Variants in MAGI1 observed in about 807,000 individuals in gnomAD.
The protein encoded by MAGI1 is membrane associated guanylate kinase, WW and PDZ domain containing 1.
In MAGI1, 58 loss-of-function variants were observed where a neutral mutation model predicts 139.9. The ratio of observed to expected loss-of-function variants is 0.41; its 90% CI spans 0.34 to 0.52. The LOEUF is 0.52. MAGI1 is among the 20% of genes least tolerant of loss of function. The pLI, the probability that MAGI1 is intolerant of heterozygous loss-of-function variation, is 0.12. For missense variants in MAGI1, 1,874 were observed against 1,901.6 expected (o/e 0.99, Z 0.27); for synonymous variants, 812 against 737.9 (o/e 1.10, Z -1.63).
At chr3:66,023,765 T>C (rs1335612626) in intron 1 of MAGI1, among the ~76,000 whole-genome samples, 4 of 152,222 alleles carry the variant, frequency 2.6e-5, no homozygotes, top group Admixed American at 6.5e-5. Context: ...TTGGTAAAGC[T>C]ACACATTTCA....
chr3:65,751,877 A>G (rs1404189684), intron 1 of MAGI1, among the ~76,000 whole-genome samples: 1 of 152,206 alleles, frequency 6.6e-6, no homozygotes, highest in Non-Finnish European at 1.5e-5. Context: ...TTCTTTTACA[A>G]ACAGAATTTC....
intron 10 of MAGI1, among the ~76,000 whole-genome samples, chr3:65,431,413 GA>G (rs970158586): frequency 1.8e-4 from 27 of 152,114 alleles, no homozygotes; most frequent in Admixed American, 4.6e-4. Flanking sequence ...CAAAAATGTA[GA>G]ATGACTATTT....
chr3:65,800,021 G>A (rs376012953), intron 1 of MAGI1, among the ~76,000 whole-genome samples: 13 of 152,214 alleles, frequency 8.5e-5, no homozygotes, highest in South Asian at 2.1e-4. Flanking sequence ...TGAAGGTTCC[G>A]ACTGCCTAAT....
chr3:65,823,737 T>C (rs1197709907), intron 1 of MAGI1, among the ~76,000 whole-genome samples: 3 of 152,152 alleles, frequency 2.0e-5, no homozygotes, highest in Non-Finnish European at 4.4e-5. Flanking sequence ...TTTTAAAAAA[T>C]AAAAAATATT....
At chr3:65,593,892 T>C (rs1402499534) in intron 2 of MAGI1, among the ~76,000 whole-genome samples, 1 of 152,198 alleles carries the variant, frequency 6.6e-6, no homozygotes, top group Non-Finnish European at 1.5e-5. Flanking sequence ...GAAATATGTT[T>C]TTTTCTTTTC....
At chr3:65,374,850 A>C (rs1942347742) in intron 18 of MAGI1, among the ~76,000 whole-genome samples, 1 of 152,216 alleles carries the variant, frequency 6.6e-6, no homozygotes, top group East Asian at 1.9e-4. Context: ...AAAAACAAAT[A>C]AGGACAGGCC....
chr3:65,616,965 G>A (rs1192442798), intron 2 of MAGI1, among the ~76,000 whole-genome samples: 1 of 152,204 alleles, frequency 6.6e-6, no homozygotes, highest in Non-Finnish European at 1.5e-5. Context: ...AGAGAAAACT[G>A]TAAGTTCAAA....
chr3:65,555,530 T>C (rs2080044896), intron 2 of MAGI1, among the ~76,000 whole-genome samples: 1 of 152,002 alleles, frequency 6.6e-6, no homozygotes, highest in African/African-American at 2.4e-5. Context: ...ACACAGTAGA[T>C]CTTTGATAGG....
At chr3:65,817,020 ATAAAAGGGTT>A (rs2041648445) in intron 1 of MAGI1, among the ~76,000 whole-genome samples, 1 of 152,244 alleles carries the variant, frequency 6.6e-6, no homozygotes, top group South Asian at 2.1e-4. Context: ...TACATGCAGA[ATAAAAGGGTT>A]TGGACATAAA....
At chr3:65,950,067 C>CAAAAAAAAACAA (rs2063733550) in intron 1 of MAGI1, among the ~76,000 whole-genome samples, 2 of 76,714 alleles carry the variant, frequency 2.6e-5, no homozygotes, top group Non-Finnish European at 4.4e-5. Context: ...AACAAAAAAA[C>CAAAAAAAAACAA]AAAAAAAAAA....
chr3:65,501,750 C>CACA (rs2077092049), intron 2 of MAGI1, among the ~76,000 whole-genome samples: 1 of 152,170 alleles, frequency 6.6e-6, no homozygotes, highest in South Asian at 2.1e-4. Context: ...AAACCCCATA[C>CACA]AGAAATGTTT....
At chr3:65,535,923 T>C (rs1339755008) in intron 2 of MAGI1, among the ~76,000 whole-genome samples, 1 of 152,186 alleles carries the variant, frequency 6.6e-6, no homozygotes, top group Non-Finnish European at 1.5e-5. Flanking sequence ...TGTTGAATTT[T>C]TTAAAATATA....
intron 2 of MAGI1, chr3:65,499,019 A>G (rs1252737262): frequency 4.1e-6 from 4 of 985,016 alleles, no homozygotes; most frequent in Non-Finnish European, 4.8e-6. Context: ...TACTTACCTG[A>G]AACAGCATGA....
Position 65,617,255 on chromosome 3 carries a change from C to T in MAGI1, c.430+4717G>A, listed in dbSNP as rs547535267. On this transcript the variant is annotated intron_variant, in intron 2 of 22. Transcript: ENST00000402939. ...CAGAACAAAACTGACTTATCCTTTC[C>T]TCTTTTAGGTGACCTTTGCTTGAAA... Among the ~76,000 whole-genome samples, 5 of 152,284 alleles carry T rather than the reference C, an allele frequency of 3.3e-5. No homozygotes were observed. In the South Asian group the frequency reaches 1.0e-3, roughly 32 times the overall value.
intron 4 of MAGI1, among the ~76,000 whole-genome samples, chr3:65,477,714 T>TTATTA (rs745836102): frequency 0.038 from 4,120 of 107,230 alleles, 143 homozygotes; most frequent in African/African-American, 0.12. Flanking sequence ...TATTATTATT[T>TTATTA]TTTTTTTTTT....
At chr3:66,001,877 C>T (rs2066758843) in intron 1 of MAGI1, among the ~76,000 whole-genome samples, 1 of 152,162 alleles carries the variant, frequency 6.6e-6, no homozygotes, top group Admixed American at 6.5e-5. Flanking sequence ...AAGCTGAAAG[C>T]TCTCACATAT....
chr3:65,794,469 G>A (rs898344963), intron 1 of MAGI1, among the ~76,000 whole-genome samples: 10 of 151,960 alleles, frequency 6.6e-5, no homozygotes, highest in Admixed American at 3.3e-4. Flanking sequence ...CACCCATAAC[G>A]CAGCCTCAAT....
chr3:65,809,238 G>A (rs1053237494), intron 1 of MAGI1, among the ~76,000 whole-genome samples: 5 of 152,112 alleles, frequency 3.3e-5, no homozygotes, highest in Non-Finnish European at 7.4e-5. Context: ...AACTGCCCAC[G>A]GTGGGACCCT....
Position 65,676,247 on chromosome 3 carries a change from CAAT to C in MAGI1, c.314-54162_314-54160del, listed in dbSNP as rs372473646. Among the ~76,000 whole-genome samples the C allele has an allele frequency of 2.8e-4, 43 of 152,242 alleles. 1 individual carries two copies. The East Asian group carries it at 6.4e-3, about 23-fold the overall frequency. ...ATGAGACTTACGCACTCACACATGA[CAAT>C]GATGAGGATAGATGCAAACTGAAGG... is the stretch of plus-strand genomic sequence containing the variant. On this transcript the variant is annotated intron_variant, in intron 1 of 22. Transcript: ENST00000402939.
Sources: allele counts gnomAD v4.1 joint callset (sites outside exome capture counted in the v4.1 genomes callset), GRCh38; gene constraint gnomAD v4.1.1; transcripts MANE v1.5; gene names NCBI Gene and HGNC (gene_info 2026-07-23, HGNC 2026-07-21).